Variants in ADGRL2 observed in about 807,000 individuals in gnomAD.
ADGRL2 encodes the protein adhesion G protein-coupled receptor L2.
Under a neutral mutation model 157.4 loss-of-function variants are expected in ADGRL2, and 44 were observed. That is an observed-to-expected ratio of 0.28 (90% confidence interval 0.22 to 0.36). The LOEUF (loss-of-function observed/expected upper bound fraction) is 0.36. ADGRL2 is among the 10% of genes least tolerant of loss of function. The pLI, the probability that ADGRL2 is intolerant of heterozygous loss-of-function variation, is 1.00. For synonymous variants in ADGRL2, 585 were observed against 624.7 expected, an observed-to-expected ratio of 0.94 and a Z score of 0.95; for missense variants, 1,510 against 1,768.9, an observed-to-expected ratio of 0.85 and a Z score of 2.63.
chr1:81,307,846 T>A (rs1410086), intron 1 of ADGRL2, among the ~76,000 whole-genome samples: 94,056 of 151,440 alleles, frequency 0.62, 30,099 homozygotes, highest in African/African-American at 0.74. Context: ...TCTTCTATTG[T>A]AAAAAAAAAT....
chr1:81,356,931 G>T (rs575272987), intron 1 of ADGRL2, among the ~76,000 whole-genome samples: 2 of 97,002 alleles, frequency 2.1e-5, no homozygotes, highest in East Asian at 7.8e-4. Flanking sequence ...CCAGCCTGGG[G>T]GACAAAATGA....
intron 2 of ADGRL2, among the ~76,000 whole-genome samples, chr1:81,571,738 G>T (rs1170079081): frequency 6.6e-6 from 1 of 151,960 alleles, no homozygotes; most frequent in African/African-American, 2.4e-5. Flanking sequence ...AGAATTAAGG[G>T]TGGATAAAAT....
rs554510889 is a variant in ADGRL2, at chr1:81,677,277, A to T, written c.-142-84534A>T. 8.2e-4 allele frequency among the ~76,000 whole-genome samples: 125 copies of T among 152,176 alleles called. 2 individuals are homozygous for T. The highest frequency in any genetic ancestry group is 3.5e-3 in the Admixed American group (54 of 15,272). On this transcript the variant is annotated intron_variant, in intron 3 of 24. Transcript: ENST00000370721. The stretch of plus-strand genomic sequence containing the variant: ...TGGGATTATAGGCATGAGCCACCAC[A>T]CCTGGCCCAACTCATTGGATTTTTA...
At chr1:81,688,727 T>G (rs370193991) in intron 3 of ADGRL2, among the ~76,000 whole-genome samples, 162 of 152,244 alleles carry the variant, frequency 1.1e-3, no homozygotes, top group African/African-American at 3.7e-3. Flanking sequence ...GTTTGATTTT[T>G]GGGGGGTGTT....
chr1:81,700,491 C>T (rs1412568619), intron 1 of ADGRL2, among the ~76,000 whole-genome samples: 1 of 152,128 alleles, frequency 6.6e-6, no homozygotes, highest in Non-Finnish European at 1.5e-5. Context: ...TTGTTAAAGC[C>T]TTTTCAAAAT....
chr1:81,860,198 T>TG (rs2093346307), intron 2 of ADGRL2, among the ~76,000 whole-genome samples: 3 of 152,276 alleles, frequency 2.0e-5, no homozygotes, highest in African/African-American at 7.2e-5. Context: ...TACTCCAGCC[T>TG]GGCGACAGAG....
chr1:81,418,719 A>G (rs1181874807), intron 1 of ADGRL2, among the ~76,000 whole-genome samples: 2 of 152,206 alleles, frequency 1.3e-5, no homozygotes, highest in Non-Finnish European at 2.9e-5. Flanking sequence ...GGGCCTCTGC[A>G]CTCCAGCCTG....
intron 3 of ADGRL2, among the ~76,000 whole-genome samples, chr1:81,653,335 A>G (rs2082461964): frequency 1.8e-5 from 1 of 56,152 alleles, no homozygotes; most frequent in African/African-American, 6.7e-5. Context: ...TTTTTTTTTC[A>G]CTTTTATCAA....
intron 1 of ADGRL2, among the ~76,000 whole-genome samples, chr1:81,425,806 T>C (rs1022751153): frequency 2.3e-4 from 35 of 152,216 alleles, no homozygotes; most frequent in Non-Finnish European, 4.0e-4. Flanking sequence ...GGAGAAAAAG[T>C]AATACATGGC....
intron 3 of ADGRL2, among the ~76,000 whole-genome samples, chr1:81,657,631 G>A (rs1570754173): frequency 6.6e-6 from 1 of 152,114 alleles, no homozygotes; most frequent in Non-Finnish European, 1.5e-5. Context: ...AGAGGGGTGT[G>A]TGTGTGCATG....
At chr1:81,699,701 G>A (rs77114825), upstream of ADGRL2, 5 of 152,346 alleles carry the variant, frequency 3.3e-5, no homozygotes, top group East Asian at 9.6e-4. Context: ...TTCCCCAGGA[G>A]CCTCTCTGGA....
Position 81,669,902 on chromosome 1 carries a change from C to T in ADGRL2, c.-143+88922C>T, listed in dbSNP as rs182529663. ...AGCTTGCAGTGAGTCGAGATCAAGC[C>T]ACTGCACTCCAGCCTGGGTGACAGA... On this transcript the variant is annotated intron_variant, in intron 3 of 24. Transcript: ENST00000370721. Among the ~76,000 whole-genome samples, 446 of 143,506 alleles carry T rather than the reference C, an allele frequency of 3.1e-3. 1 individual carries two copies. Among genetic ancestry groups the T allele is most frequent in the African/African-American group, 0.011 (405 of 38,258 alleles). 94.1% of individuals were successfully genotyped at this position (143,506 alleles called of 152,430 possible). A position where few individuals can be genotyped will look rare whatever the true frequency, so the allele number is the denominator to read the frequency against.
intron 2 of ADGRL2, chr1:81,502,041 T>C (rs575669852): frequency 6.2e-7 from 1 of 1,602,740 alleles, no homozygotes; most frequent in Non-Finnish European, 8.5e-7. Context: ...CGGGGCAACA[T>C]GAACTCAGAG....
chr1:81,922,027 A>G (rs12758555), intron 3 of ADGRL2, among the ~76,000 whole-genome samples: 25,051 of 152,220 alleles, frequency 0.16, 2,507 homozygotes, highest in Middle Eastern at 0.31. Flanking sequence ...TATGCAGTGC[A>G]TATGATTCAG....
intron 1 of ADGRL2, among the ~76,000 whole-genome samples, chr1:81,388,450 T>TTTC (rs1553160169): frequency 1.9e-4 from 29 of 152,034 alleles, no homozygotes; most frequent in Non-Finnish European, 7.4e-5. Context: ...CTTTCATTTT[T>TTTC]TCTTTTTCTC....
intron 2 of ADGRL2, among the ~76,000 whole-genome samples, chr1:81,562,561 A>G (rs12145665): frequency 0.12 from 18,184 of 152,168 alleles, 1,612 homozygotes; most frequent in African/African-American, 0.25. Context: ...GAAATTGTAT[A>G]GCCTCAGCTG....
chr1:81,545,864 T>C (rs981795340), intron 2 of ADGRL2, among the ~76,000 whole-genome samples: 1 of 152,064 alleles, frequency 6.6e-6, no homozygotes, highest in African/African-American at 2.4e-5. Flanking sequence ...CCTCCTGCGG[T>C]ATGGAAAACA....
chr1:81,853,191 A>C (rs972660841), intron 2 of ADGRL2, among the ~76,000 whole-genome samples: 6 of 152,196 alleles, frequency 3.9e-5, no homozygotes, highest in African/African-American at 7.2e-5. Flanking sequence ...CACATCTAGC[A>C]GTTCCCTTCA....
intron 2 of ADGRL2, among the ~76,000 whole-genome samples, chr1:81,867,135 T>TA (rs1026525166): frequency 2.0e-5 from 3 of 152,190 alleles, no homozygotes; most frequent in East Asian, 1.9e-4. Flanking sequence ...CTGGGTAGTA[T>TA]AAAAAATCCT....
Sources: allele counts gnomAD v4.1 joint callset (sites outside exome capture counted in the v4.1 genomes callset), GRCh38; gene constraint gnomAD v4.1.1; transcripts MANE v1.5; gene names NCBI Gene and HGNC (gene_info 2026-07-23, HGNC 2026-07-21).